Variants in CNTN3 observed in about 807,000 individuals in gnomAD.
The protein encoded by CNTN3 is contactin 3.
In CNTN3, 60 loss-of-function variants were observed where a neutral mutation model predicts 119.1. The ratio of observed to expected loss-of-function variants is 0.50; its 90% CI spans 0.41 to 0.62. CNTN3 has a LOEUF of 0.62. Among genes scored for constraint, CNTN3 ranks in the 20% least tolerant of loss-of-function variants. The probability of loss-of-function intolerance (pLI) is 0.00; values close to 1 mark genes in which losing one functional copy is unlikely to be tolerated. For synonymous variants in CNTN3, 450 were observed against 438.7 expected, an observed-to-expected ratio of 1.03 and a Z score of -0.32; for missense variants, 1,101 against 1,242.4, an observed-to-expected ratio of 0.89 and a Z score of 1.71.
intron 11 of CNTN3, among the ~76,000 whole-genome samples, chr3:74,344,745 A>C (rs1703650035): frequency 1.3e-5 from 2 of 152,096 alleles, no homozygotes; most frequent in South Asian, 4.2e-4. Context: ...AGGCGTTGAG[A>C]CACCGCGCCC....
chr3:74,540,080 T>A (rs1229392956), intron 1 of CNTN3, among the ~76,000 whole-genome samples: 2 of 152,118 alleles, frequency 1.3e-5, no homozygotes, highest in Non-Finnish European at 2.9e-5. Context: ...GCAAAACACG[T>A]CCCTTCTTGA....
At chr3:74,359,002 G>A (rs1704014698) in intron 11 of CNTN3, among the ~76,000 whole-genome samples, 1 of 151,812 alleles carries the variant, frequency 6.6e-6, no homozygotes, top group Non-Finnish European at 1.5e-5. Flanking sequence ...TCTTAATCCA[G>A]TCTATCATTG....
intron 20 of CNTN3, among the ~76,000 whole-genome samples, chr3:74,269,813 A>C (rs1360715067): frequency 6.6e-6 from 1 of 152,172 alleles, no homozygotes; most frequent in Admixed American, 6.6e-5. Context: ...AGAATAGTCA[A>C]AAATTCACAG....
chr3:74,443,303 C>T (rs1169526827), intron 4 of CNTN3, among the ~76,000 whole-genome samples: 1 of 152,166 alleles, frequency 6.6e-6, no homozygotes, highest in Non-Finnish European at 1.5e-5. Context: ...TTCCATCTCA[C>T]CACCTACTTC....
chr3:74,266,095 A>G (rs965162359), intron 22 of CNTN3, among the ~76,000 whole-genome samples: 4 of 152,144 alleles, frequency 2.6e-5, no homozygotes, highest in Non-Finnish European at 5.9e-5. Context: ...TTCTATTTAA[A>G]GAATTGATAA....
At chr3:74,435,525 G>A (rs904298772) in intron 4 of CNTN3, among the ~76,000 whole-genome samples, 10 of 152,002 alleles carry the variant, frequency 6.6e-5, no homozygotes, top group African/African-American at 2.2e-4. Flanking sequence ...GAGGCATATG[G>A]GCCCATATAC....
chr3:74,441,651 AG>A (rs1429681669), intron 4 of CNTN3, among the ~76,000 whole-genome samples: 2 of 152,192 alleles, frequency 1.3e-5, no homozygotes, highest in Non-Finnish European at 2.9e-5. Context: ...GCTGATGTGG[AG>A]GATAAAATGA....
chr3:74,460,182 C>G (rs1033129420), intron 4 of CNTN3, among the ~76,000 whole-genome samples: 1 of 152,004 alleles, frequency 6.6e-6, no homozygotes, highest in African/African-American at 2.4e-5. Context: ...TCCTTAATAT[C>G]TGCTCAAGTG....
At chr3:74,498,044 T>A (rs1703096082) in intron 3 of CNTN3, among the ~76,000 whole-genome samples, 1 of 151,876 alleles carries the variant, frequency 6.6e-6, no homozygotes, top group Non-Finnish European at 1.5e-5. Flanking sequence ...AAATCTTGTA[T>A]CTTGACAACT....
At chr3:74,285,775 G>A (rs1396134145) in intron 19 of CNTN3, among the ~76,000 whole-genome samples, 5 of 103,594 alleles carry the variant, frequency 4.8e-5, no homozygotes, top group Admixed American at 1.3e-4. Flanking sequence ...ATTATAAGTG[G>A]GAGAATGAAG....
At chr3:74,407,768 C>T (rs1701360377) in intron 5 of CNTN3, among the ~76,000 whole-genome samples, 1 of 151,970 alleles carries the variant, frequency 6.6e-6, no homozygotes, top group African/African-American at 2.4e-5. Flanking sequence ...TTGTACCCCA[C>T]AAATATATAT....
At chr3:74,556,833 T>G (rs933110639) in intron 1 of CNTN3, among the ~76,000 whole-genome samples, 1 of 152,218 alleles carries the variant, frequency 6.6e-6, no homozygotes. Flanking sequence ...TTTAGTTGTC[T>G]TAATGGGTGT....
intron 4 of CNTN3, among the ~76,000 whole-genome samples, chr3:74,465,044 G>T (rs1367463389): frequency 6.6e-6 from 1 of 152,122 alleles, no homozygotes; most frequent in African/African-American, 2.4e-5. Context: ...GTGATTTCTA[G>T]CCAAGAGTAT....
At chr3:74,560,615 G>A (rs565229904) in intron 1 of CNTN3, among the ~76,000 whole-genome samples, 1 of 152,216 alleles carries the variant, frequency 6.6e-6, no homozygotes, top group East Asian at 1.9e-4. Flanking sequence ...AGACAGTGTG[G>A]TGATTCCTCA....
chr3:74,586,278 T>G (rs912341192), intron 1 of CNTN3, among the ~76,000 whole-genome samples: 7 of 151,976 alleles, frequency 4.6e-5, no homozygotes, highest in Non-Finnish European at 7.4e-5. Flanking sequence ...TAATGAATAT[T>G]TCATCAAAAA....
intron 19 of CNTN3, among the ~76,000 whole-genome samples, chr3:74,286,118 A>C (rs911336761): frequency 6.6e-6 from 1 of 151,972 alleles, no homozygotes; most frequent in Admixed American, 6.6e-5. Flanking sequence ...GGAGAAGAAA[A>C]AGTGTCTAGT....
At chr3:74,345,784 T>C (rs1333902779) in intron 11 of CNTN3, among the ~76,000 whole-genome samples, 1 of 152,252 alleles carries the variant, frequency 6.6e-6, no homozygotes, top group African/African-American at 2.4e-5. Context: ...TGTGGATTGT[T>C]AATTCACAGT....
At chr3:74,574,925 C>T (rs368430705) in intron 1 of CNTN3, among the ~76,000 whole-genome samples, 2 of 145,410 alleles carry the variant, frequency 1.4e-5, no homozygotes, top group Admixed American at 6.8e-5. Context: ...GAAGCATTTT[C>T]TTTTTTTTTT....
chr3:74,591,062 A>C (rs986933992), intron 1 of CNTN3, among the ~76,000 whole-genome samples: 1 of 152,138 alleles, frequency 6.6e-6, no homozygotes, highest in African/African-American at 2.4e-5. Flanking sequence ...AAGCATTGGC[A>C]ACCTCATCTT....
Sources: allele counts gnomAD v4.1 joint callset (sites outside exome capture counted in the v4.1 genomes callset), GRCh38; gene constraint gnomAD v4.1.1; transcripts MANE v1.5; gene names NCBI Gene and HGNC (gene_info 2026-07-23, HGNC 2026-07-21).